The following PTBP3 variants were observed in gnomAD, a reference collection of about 807,000 sequenced individuals.
The protein encoded by PTBP3 is polypyrimidine tract-binding protein 3.
A neutral mutation model predicts 58.7 loss-of-function variants in PTBP3; 20 were observed. The ratio of observed to expected loss-of-function variants is 0.34; its 90% CI spans 0.24 to 0.50. PTBP3 has a LOEUF of 0.50. Among genes scored for constraint, PTBP3 ranks in the 20% least tolerant of loss-of-function variants. PTBP3 has a pLI of 0.98. For synonymous variants in PTBP3, 185 were observed against 219.8 expected (o/e 0.84, Z 1.40); for missense variants, 509 against 637.2 (o/e 0.80, Z 2.17).
intron 1 of PTBP3, among the ~76,000 whole-genome samples, chr9:112,332,589 A>T (rs1830418840): frequency 6.6e-6 from 1 of 152,168 alleles, no homozygotes; most frequent in South Asian, 2.1e-4. Flanking sequence ...ACCTTCAATT[A>T]ATTCACCAAA....
chr9:112,336,494 A>C (rs1383066235), upstream of PTBP3, among the ~76,000 whole-genome samples: 15 of 134,960 alleles, frequency 1.1e-4, no homozygotes, highest in Non-Finnish European at 2.3e-4. Flanking sequence ...AAAAAAAAAA[A>C]ATTTGGCTGG....
the PTBP3 span, among the ~76,000 whole-genome samples, chr9:112,349,757 G>C: frequency 1.3e-5 from 2 of 150,252 alleles, no homozygotes; most frequent in Admixed American, 1.3e-4. Flanking sequence ...CCAGCTACTC[G>C]GCAGGCTGAG....
intron 1 of PTBP3, among the ~76,000 whole-genome samples, chr9:112,317,074 G>A (rs757572917): frequency 4.0e-5 from 6 of 151,722 alleles, no homozygotes; most frequent in Non-Finnish European, 7.4e-5. Flanking sequence ...GAACCCAGGA[G>A]TTCAAGACCA....
At chr9:112,307,901 G>A (rs557448206) in intron 1 of PTBP3, among the ~76,000 whole-genome samples, 5 of 152,266 alleles carry the variant, frequency 3.3e-5, no homozygotes, top group South Asian at 4.1e-4. Context: ...TTTGAGTGCC[G>A]CCCAACGCAA....
chr9:112,355,641 T>G, the PTBP3 span, among the ~76,000 whole-genome samples: 47 of 149,846 alleles, frequency 3.1e-4, no homozygotes, highest in African/African-American at 9.3e-4. Context: ...TTTTTTTTTT[T>G]GTGGAGGGTG....
intron 3 of PTBP3, among the ~76,000 whole-genome samples, chr9:112,273,266 G>C (rs1421191971): frequency 6.6e-6 from 1 of 152,142 alleles, no homozygotes; most frequent in East Asian, 1.9e-4. Flanking sequence ...CTATTTAAAG[G>C]TAAAAATGTC....
chr9:112,362,244 T>A, the PTBP3 span, among the ~76,000 whole-genome samples: 1 of 152,028 alleles, frequency 6.6e-6, no homozygotes, highest in Non-Finnish European at 1.5e-5. Context: ...GAGGGAGAGG[T>A]TGAGGCTGCA....
intron 2 of PTBP3, among the ~76,000 whole-genome samples, chr9:112,288,824 T>A (rs1383350656): frequency 1.3e-5 from 2 of 152,230 alleles, no homozygotes; most frequent in African/African-American, 4.8e-5. Flanking sequence ...GAGTTATTTA[T>A]CAAGTACGGA....
chr9:112,251,613 T>C (rs949949720), intron 6 of PTBP3, among the ~76,000 whole-genome samples: 1 of 152,120 alleles, frequency 6.6e-6, no homozygotes, highest in African/African-American at 2.4e-5. Flanking sequence ...TCTTGTAAAT[T>C]TACTTTGTAA....
intron 4 of PTBP3, 61 bp downstream of exon 4, chr9:112,267,988 T>C (rs1195148740): frequency 1.4e-6 from 2 of 1,473,452 alleles, no homozygotes; most frequent in African/African-American, 2.8e-5. Flanking sequence ...ATCTGTAAAG[T>C]ATGTAAGTTA....
intron 4 of PTBP3, among the ~76,000 whole-genome samples, 182 bp from the exon 5 acceptor site, chr9:112,262,781 C>A (rs1356741254): frequency 6.6e-6 from 1 of 152,178 alleles, no homozygotes. Context: ...TCCCTGCATA[C>A]CACAATGACA....
chr9:112,256,309 ATT>A (rs1836359733), intron 5 of PTBP3, among the ~76,000 whole-genome samples: 2 of 131,264 alleles, frequency 1.5e-5, no homozygotes, highest in Admixed American at 7.8e-5. Flanking sequence ...ATATATATAT[ATT>A]TATCTATCTT....
In PTBP3 at chr9:112,268,330, A is replaced by G. The variant is rs925176734; in HGVS notation, c.205-135T>C. On this transcript the variant is annotated intron_variant, in intron 3 of 13. Coordinates refer to ENST00000374257, the MANE Select transcript of PTBP3 (RefSeq NM_001163788.4). The stretch of plus-strand genomic sequence containing the variant: ...ACATTTCCCCCAAGGGGAGGGAAAA[A>G]CAAAAAAACACCTTTGCTTCAAAAT... The G allele has an allele frequency of 3.4e-5, 26 of 776,062 alleles. No homozygotes were observed. The Admixed American group carries it at 6.4e-4, about 19-fold the overall frequency. 48.1% of individuals were successfully genotyped at this position (776,062 alleles called of 1,614,324 possible). A position where few individuals can be genotyped will look rare whatever the true frequency, so the allele number is the denominator to read the frequency against.
intron 5 of PTBP3, among the ~76,000 whole-genome samples, chr9:112,253,118 C>T (rs1786287838): frequency 6.6e-6 from 1 of 152,160 alleles, no homozygotes; most frequent in Admixed American, 6.6e-5. Context: ...CCAACTATTT[C>T]ACCCTGTGAA....
intron 2 of PTBP3, among the ~76,000 whole-genome samples, chr9:112,292,128 A>C (rs539845221): frequency 6.6e-6 from 1 of 152,348 alleles, no homozygotes; most frequent in African/African-American, 2.4e-5. Context: ...GGACTTGAAT[A>C]GACATTTCTC....
intron 8 of PTBP3, among the ~76,000 whole-genome samples, chr9:112,233,648 T>C (rs1835335167): frequency 6.6e-6 from 1 of 152,098 alleles, no homozygotes; most frequent in South Asian, 2.1e-4. Flanking sequence ...AGAGTAGTTA[T>C]TGGCCAGGTG....
chr9:112,270,029 C>A (rs1469613793), intron 3 of PTBP3, among the ~76,000 whole-genome samples: 1 of 151,484 alleles, frequency 6.6e-6, no homozygotes, highest in Non-Finnish European at 1.5e-5. Context: ...ACTATACCCT[C>A]CGTCTCCTGG....
At chr9:112,273,314 TA>T (rs2132187902) in intron 3 of PTBP3, among the ~76,000 whole-genome samples, 1 of 152,366 alleles carries the variant, frequency 6.6e-6, no homozygotes, top group East Asian at 1.9e-4. Context: ...CTTGTGTCAG[TA>T]ATATATTTTT....
intron 2 of PTBP3, among the ~76,000 whole-genome samples, chr9:112,280,229 A>T (rs777076439): frequency 1.3e-5 from 2 of 151,930 alleles, no homozygotes; most frequent in Non-Finnish European, 2.9e-5. Flanking sequence ...TAATTTTTGT[A>T]TTTTTAGTAG....
Sources: allele counts gnomAD v4.1 joint callset (sites outside exome capture counted in the v4.1 genomes callset), GRCh38; gene constraint gnomAD v4.1.1; transcripts MANE v1.5; gene names NCBI Gene and HGNC (gene_info 2026-07-23, HGNC 2026-07-21).